Variants in LYPLAL1 observed in about 807,000 individuals in gnomAD.
LYPLAL1 encodes the protein lysophospholipase-like protein 1.
Under a neutral mutation model 19.7 loss-of-function variants are expected in LYPLAL1, and 23 were observed. The ratio of observed to expected loss-of-function variants is 1.17; its 90% confidence interval spans 0.84 to 1.65. The LOEUF (loss-of-function observed/expected upper bound fraction) is 1.65, where lower values mean the gene tolerates loss of function less well. Among genes scored for constraint, LYPLAL1 ranks in the 40% most tolerant of loss-of-function variants. LYPLAL1 has a pLI of 0.00. For missense variants in LYPLAL1, 355 were observed against 279.4 expected (o/e 1.27, Z -1.93); for synonymous variants, 119 against 96.3 (o/e 1.24, Z -1.38).
At chr1:219,412,912 T>C in the LYPLAL1 span, among the ~76,000 whole-genome samples, 6 of 152,366 alleles carry the variant, frequency 3.9e-5, no homozygotes, top group East Asian at 1.2e-3. Context: ...ATGAGTTGGC[T>C]CATTACATTT....
At chr1:219,399,232 G>A in the LYPLAL1 span, among the ~76,000 whole-genome samples, 1 of 152,150 alleles carries the variant, frequency 6.6e-6, no homozygotes, top group South Asian at 2.1e-4. Context: ...GCACAGGGTT[G>A]GGGCACTGGT....
chr1:219,339,637 A>G, the LYPLAL1 span, among the ~76,000 whole-genome samples: 1 of 152,088 alleles, frequency 6.6e-6, no homozygotes, highest in Non-Finnish European at 1.5e-5. Flanking sequence ...ATTTAGGTTT[A>G]GCAATGGGTA....
the LYPLAL1 span, among the ~76,000 whole-genome samples, chr1:219,293,692 T>G: frequency 1.3e-5 from 2 of 152,372 alleles, no homozygotes; most frequent in South Asian, 4.1e-4. Flanking sequence ...ATCAAGTGAT[T>G]AGTATCTGAT....
intron 4 of LYPLAL1, 140 bp downstream of exon 4, chr1:219,210,787 T>C: frequency 1.4e-6 from 1 of 708,002 alleles, no homozygotes; most frequent in Non-Finnish European, 2.2e-6. Flanking sequence ...CTGGAATTCA[T>C]GGCCAAATGA....
the LYPLAL1 span, among the ~76,000 whole-genome samples, chr1:219,313,098 T>A: frequency 6.6e-6 from 1 of 152,318 alleles, no homozygotes; most frequent in East Asian, 1.9e-4. Context: ...CGTTGTTCTG[T>A]CTCTTCATGT....
At chr1:219,181,724 T>C (rs890489381) in intron 2 of LYPLAL1, among the ~76,000 whole-genome samples, 1 of 152,142 alleles carries the variant, frequency 6.6e-6, no homozygotes, top group Admixed American at 6.5e-5. Flanking sequence ...GGCAATTCAG[T>C]GGAGGTCAGT....
the LYPLAL1 span, chr1:219,272,409 C>T: frequency 6.6e-6 from 1 of 152,414 alleles, no homozygotes; most frequent in Non-Finnish European, 1.5e-5. Context: ...TGAGCTGAGA[C>T]GTCAGAGTAG....
the LYPLAL1 span, among the ~76,000 whole-genome samples, chr1:219,399,339 C>T: frequency 6.6e-6 from 1 of 152,108 alleles, no homozygotes; most frequent in Admixed American, 6.5e-5. Context: ...GTTTCACTCC[C>T]ATGGCAGTGT....
chr1:219,354,191 A>G, the LYPLAL1 span, among the ~76,000 whole-genome samples: 1 of 152,192 alleles, frequency 6.6e-6, no homozygotes, highest in South Asian at 2.1e-4. Context: ...AAAAAATGGC[A>G]AAAGTTCCAC....
intron 2 of LYPLAL1, among the ~76,000 whole-genome samples, chr1:219,180,210 G>A (rs1273060178): frequency 2.0e-5 from 3 of 152,112 alleles, no homozygotes; most frequent in South Asian, 4.1e-4. Flanking sequence ...GTCTGGAACT[G>A]TTGACCTGAG....
the LYPLAL1 span, among the ~76,000 whole-genome samples, chr1:219,442,984 TAA>T: frequency 8.2e-4 from 125 of 152,028 alleles, no homozygotes; most frequent in Non-Finnish European, 1.0e-4. Flanking sequence ...TGACCAGCTG[TAA>T]AAGACATCTA....
At chr1:219,281,135 A>G in the LYPLAL1 span, among the ~76,000 whole-genome samples, 3 of 152,238 alleles carry the variant, frequency 2.0e-5, no homozygotes, top group African/African-American at 7.2e-5. Context: ...TTGAGATGAC[A>G]TTCCATTATG....
the LYPLAL1 span, among the ~76,000 whole-genome samples, chr1:219,263,737 T>G: frequency 6.6e-6 from 1 of 152,170 alleles, no homozygotes; most frequent in East Asian, 1.9e-4. Context: ...CTTTAATATT[T>G]TGCTCAGCTC....
At chr1:219,427,332 C>G in the LYPLAL1 span, among the ~76,000 whole-genome samples, 5 of 152,152 alleles carry the variant, frequency 3.3e-5, no homozygotes, top group African/African-American at 1.2e-4. Flanking sequence ...CTAGAGAGAA[C>G]ATAAATATGA....
chr1:219,315,178 G>A, the LYPLAL1 span, among the ~76,000 whole-genome samples: 2 of 152,128 alleles, frequency 1.3e-5, no homozygotes, highest in East Asian at 3.8e-4. Flanking sequence ...CCTTTAAAAA[G>A]CGTGATATGT....
chr1:219,196,740 C>A (rs1444692703), intron 3 of LYPLAL1, among the ~76,000 whole-genome samples: 1 of 152,122 alleles, frequency 6.6e-6, no homozygotes, highest in Non-Finnish European at 1.5e-5. Flanking sequence ...GATCCAATAT[C>A]TAGAAAACTC....
the LYPLAL1 span, among the ~76,000 whole-genome samples, chr1:219,300,536 T>G: frequency 7.2e-6 from 1 of 139,676 alleles, no homozygotes; most frequent in Non-Finnish European, 1.6e-5. Flanking sequence ...CTAACTTTTT[T>G]TTTTTTTTTT....
At chr1:219,247,950 T>C in the LYPLAL1 span, among the ~76,000 whole-genome samples, 1 of 152,138 alleles carries the variant, frequency 6.6e-6, no homozygotes, top group Non-Finnish European at 1.5e-5. Flanking sequence ...ACTTTAGGGA[T>C]TTTTTTAATC....
At chr1:219,419,590 CACACAG>C in the LYPLAL1 span, among the ~76,000 whole-genome samples, 1 of 61,364 alleles carries the variant, frequency 1.6e-5, no homozygotes, top group East Asian at 3.3e-4. Flanking sequence ...CACACACACA[CACACAG>C]AGAGAGAGAG....
Sources: gnomAD v4.1 joint callset for allele counts (sites outside exome capture counted in the v4.1 genomes callset) on GRCh38, gnomAD v4.1.1 for gene constraint, MANE v1.5 for transcripts, NCBI Gene and HGNC (gene_info 2026-07-23, HGNC 2026-07-21) for gene names.